Variants in RMST observed in about 807,000 individuals in gnomAD.
RMST encodes the protein rhabdomyosarcoma 2 associated transcript.
chr12:97,539,218 TAGGCCTTTCAA>T (rs1431768619), intron 11 of RMST, among the ~76,000 whole-genome samples: 2 of 151,588 alleles, frequency 1.3e-5, no homozygotes, highest in East Asian at 3.9e-4. Flanking sequence ...TTAAAAGCAT[TAGGCCTTTCAA>T]AGGTGCTTAA....
intron 10 of RMST, among the ~76,000 whole-genome samples, chr12:97,514,169 T>C (rs1006336149): frequency 1.3e-5 from 2 of 152,206 alleles, no homozygotes; most frequent in Admixed American, 6.5e-5. Flanking sequence ...CTTTGGATTC[T>C]ATGACTCTGA....
chr12:97,524,055 A>G (rs12298461), intron 10 of RMST, among the ~76,000 whole-genome samples: 64,376 of 122,576 alleles, frequency 0.53, 19,779 homozygotes, highest in Middle Eastern at 0.72. Context: ...CAGCCTGGGC[A>G]ACAGAGTGAG....
At chr12:97,470,229 T>A (rs139551187) in intron 5 of RMST, among the ~76,000 whole-genome samples, 92 of 152,246 alleles carry the variant, frequency 6.0e-4, no homozygotes, top group African/African-American at 2.2e-3. Flanking sequence ...TTGAGCGAGA[T>A]AATGCTCCAC....
intron 5 of RMST, among the ~76,000 whole-genome samples, chr12:97,492,256 A>G (rs1876926439): frequency 6.6e-6 from 1 of 152,212 alleles, no homozygotes; most frequent in Non-Finnish European, 1.5e-5. Context: ...GCAGGTTTAT[A>G]TCTGTCAGAT....
chr12:97,506,199 A>C (rs1418562515), intron 10 of RMST, among the ~76,000 whole-genome samples: 1 of 152,154 alleles, frequency 6.6e-6, no homozygotes, highest in African/African-American at 2.4e-5. Context: ...GCATCAAACT[A>C]TCTTTTCAAA....
intron 5 of RMST, among the ~76,000 whole-genome samples, chr12:97,472,067 G>A (rs148969227): frequency 6.6e-6 from 1 of 152,124 alleles, no homozygotes; most frequent in East Asian, 1.9e-4. Context: ...TTAGTTGGCC[G>A]TGGACTTAAT....
chr12:97,558,781 G>A (rs1883891507), intron 11 of RMST, among the ~76,000 whole-genome samples: 1 of 152,030 alleles, frequency 6.6e-6, no homozygotes, highest in South Asian at 2.1e-4. Context: ...ATTTATTCTG[G>A]GTAAACTGGG....
intron 10 of RMST, among the ~76,000 whole-genome samples, chr12:97,516,905 T>TA (rs1879993506): frequency 6.6e-6 from 1 of 152,044 alleles, no homozygotes; most frequent in Non-Finnish European, 1.5e-5. Flanking sequence ...GGGAAGTAAA[T>TA]ACCTAACATT....
chr12:97,496,813 G>A (rs73384782), intron 10 of RMST, among the ~76,000 whole-genome samples: 19,665 of 152,062 alleles, frequency 0.13, 2,215 homozygotes, highest in African/African-American at 0.29. Flanking sequence ...CAATGAAATT[G>A]GGATGAATAT....
chr12:97,518,100 A>G (rs1047159569), intron 10 of RMST, among the ~76,000 whole-genome samples: 1 of 152,168 alleles, frequency 6.6e-6, no homozygotes, highest in Non-Finnish European at 1.5e-5. Flanking sequence ...CCTTCTGAAA[A>G]TGGATACTTG....
chr12:97,563,477 T>C (rs1278993612), intron 13 of RMST: 3 of 255,706 alleles, frequency 1.2e-5, no homozygotes, highest in Non-Finnish European at 2.3e-5. Context: ...TCAGTTTGCA[T>C]CAGTGATTTG....
chr12:97,511,882 G>C (rs1879342446), intron 10 of RMST, among the ~76,000 whole-genome samples: 1 of 152,154 alleles, frequency 6.6e-6, no homozygotes, highest in East Asian at 1.9e-4. Context: ...GTGTATACCT[G>C]TTGGTATAGT....
intron 11 of RMST, among the ~76,000 whole-genome samples, chr12:97,555,761 C>T (rs1883662022): frequency 6.6e-6 from 1 of 152,138 alleles, no homozygotes; most frequent in Non-Finnish European, 1.5e-5. Context: ...AAATGTACAC[C>T]CTTAAACCAT....
rs1004664743 is a variant in RMST, at chr12:97,555,124, G to T, written n.1546-5413G>T. On this transcript the variant is annotated intron_variant and non_coding_transcript_variant, in intron 11 of 13. Transcript: ENST00000640149. ...AAAAAGTCAGCTTTGACCTTTAATT[G>T]CATGTCCCCCCCAAAAGACCTGTAA... Among the ~76,000 whole-genome samples the T allele has an allele frequency of 8.7e-4, 132 of 152,156 alleles. 3 individuals are homozygous for T. The highest frequency in any genetic ancestry group is 1.6e-4 in the Non-Finnish European group (11 of 68,034).
At chr12:97,501,285 T>C (rs1440640740) in intron 10 of RMST, among the ~76,000 whole-genome samples, 1 of 152,238 alleles carries the variant, frequency 6.6e-6, no homozygotes, top group Non-Finnish European at 1.5e-5. Flanking sequence ...CCCTACTTTT[T>C]GTGCTTTTTT....
chr12:97,503,750 G>C lies in RMST; in HGVS notation n.1340+7694G>C, dbSNP rs892267845. Among the ~76,000 whole-genome samples, 3 of 152,154 alleles carry C rather than the reference G, an allele frequency of 2.0e-5. No individual in the cohort carries two copies. In the East Asian group the frequency reaches 5.8e-4, roughly 29 times the overall value. ...GCAAATCCCTGCATGCTTCAGGAAA[G>C]TGGAAAAAGTCCATCTCAGATCTTA... On this transcript the variant is annotated intron_variant and non_coding_transcript_variant, in intron 10 of 13. Coordinates refer to ENST00000640149, the Ensembl canonical transcript of RMST.
At chr12:97,481,223 T>C (rs1875236267) in intron 5 of RMST, among the ~76,000 whole-genome samples, 1 of 152,194 alleles carries the variant, frequency 6.6e-6, no homozygotes, top group Non-Finnish European at 1.5e-5. Flanking sequence ...ATCTGTCCTC[T>C]TCTCTTATGA....
chr12:97,499,456 A>T (rs528922214), intron 10 of RMST, among the ~76,000 whole-genome samples: 1 of 152,244 alleles, frequency 6.6e-6, no homozygotes, highest in South Asian at 2.1e-4. Flanking sequence ...CAAATTTAAG[A>T]TATGCCTTCA....
At chr12:97,538,892 CACAGCTAGTT>C (rs1035649651) in intron 11 of RMST, among the ~76,000 whole-genome samples, 5 of 151,362 alleles carry the variant, frequency 3.3e-5, no homozygotes, top group Non-Finnish European at 5.9e-5. Context: ...ACAAATGATT[CACAGCTAGTT>C]ACATCTTAGG....
Sources: gnomAD v4.1 joint callset for allele counts (sites outside exome capture counted in the v4.1 genomes callset) on GRCh38, gnomAD v4.1.1 for gene constraint, MANE v1.5 for transcripts, NCBI Gene and HGNC (gene_info 2026-07-23, HGNC 2026-07-21) for gene names.